NBN: variants seen among roughly 807,000 people sequenced by gnomAD.
NBN encodes nibrin.
Under a neutral mutation model 90.8 loss-of-function variants are expected in NBN, and 88 were observed. That is an observed-to-expected ratio of 0.97 (90% CI 0.82 to 1.16). NBN has a LOEUF of 1.16. Among genes scored for constraint, NBN ranks in the 50% most tolerant of loss-of-function variants. The pLI is 0.00. For synonymous variants in NBN, 328 were observed against 295.1 expected, an observed-to-expected ratio of 1.11 and a Z score of -1.14; for missense variants, 894 against 869.6, an observed-to-expected ratio of 1.03 and a Z score of -0.35.
intron 11 of NBN, among the ~76,000 whole-genome samples, chr8:89,949,756 C>T (rs571881059): frequency 6.6e-6 from 1 of 152,090 alleles, no homozygotes; most frequent in African/African-American, 2.4e-5. Context: ...GATTCCAACA[C>T]CAAAGAGAAG....
intron 5 of NBN, among the ~76,000 whole-genome samples, chr8:89,977,013 T>C (rs947932504): frequency 1.3e-5 from 2 of 152,254 alleles, no homozygotes; most frequent in Middle Eastern, 3.4e-3. Context: ...CAAAACACAT[T>C]AAAATTAGCA....
chr8:89,937,279 T>A, intron 14 of NBN: 1 of 570,348 alleles, frequency 1.8e-6, no homozygotes, highest in Middle Eastern at 4.6e-4. Flanking sequence ...GAGCTCTAAC[T>A]AAACAGCTTT....
intron 7 of NBN, among the ~76,000 whole-genome samples, chr8:89,967,970 T>C (rs1811329393): frequency 6.6e-6 from 1 of 152,122 alleles, no homozygotes; most frequent in African/African-American, 2.4e-5. Flanking sequence ...CCAAAAAACA[T>C]ATTGTGGCCA....
intron 4 of NBN, 123 bp from the exon 5 acceptor site, chr8:89,978,446 T>C (rs1466325339): frequency 6.7e-6 from 5 of 749,302 alleles, no homozygotes; most frequent in African/African-American, 3.6e-5. Flanking sequence ...TTCCCTTTCA[T>C]CTCTCTAAAT....
intron 12 of NBN, among the ~76,000 whole-genome samples, chr8:89,946,806 A>T (rs1810212732): frequency 6.6e-6 from 1 of 152,118 alleles, no homozygotes; most frequent in Non-Finnish European, 1.5e-5. Flanking sequence ...ATACTATCTC[A>T]TTAATTGACA....
chr8:89,973,801 G>A (rs1811622662), intron 5 of NBN, among the ~76,000 whole-genome samples: 1 of 152,164 alleles, frequency 6.6e-6, no homozygotes, highest in Non-Finnish European at 1.5e-5. Context: ...ACCTAGGCTA[G>A]AGGCATATTG....
chr8:89,978,234 A>C lies in NBN; in HGVS notation c.570T>G (p.Pro190=). 1 of 1,605,008 alleles carries C rather than the reference A, an allele frequency of 6.2e-7. No individual in the cohort carries two copies. The highest frequency in any genetic ancestry group is 8.5e-7 in the Non-Finnish European group (1 of 1,171,900). The change falls in exon 5 of 16, where the codon CCT becomes CCG. Residue 190 remains proline, a synonymous_variant. Coordinates refer to ENST00000265433, the MANE Select transcript of NBN (RefSeq NM_002485.5). ...ACATAATATACCTTTCAATTTGTGG[A>C]GGCTGCTTCTTGGACTCAACTGCTT... ...FLKAVESKKQ[P]PQIESFYPPL...
intron 14 of NBN, among the ~76,000 whole-genome samples, chr8:89,938,298 GTT>G (rs1809784584): frequency 6.6e-6 from 1 of 152,114 alleles, no homozygotes; most frequent in African/African-American, 2.4e-5. Flanking sequence ...GAATCATGTT[GTT>G]TTGTTGTAAT....
At chr8:89,936,882 A>T in intron 15 of NBN, 144 bp downstream of exon 15, 1 of 665,278 alleles carries the variant, frequency 1.5e-6, no homozygotes, top group Non-Finnish European at 2.6e-6. Context: ...AGAGGTGCTT[A>T]AGTAATAAAA....
chr8:89,965,929 C>T (rs1811232226), intron 7 of NBN, among the ~76,000 whole-genome samples: 1 of 152,070 alleles, frequency 6.6e-6, no homozygotes, highest in South Asian at 2.1e-4. Flanking sequence ...TCTAAAAAAC[C>T]TTTATAATCA....
Position 89,937,058 on chromosome 8 carries a change from T to C in NBN, c.2202A>G (p.Ala734=), listed in dbSNP as rs200452212. Residue 734 remains alanine, a synonymous_variant, in exon 15 of 16, where the codon GCA becomes GCG. Transcript: ENST00000265433. ...RQEMEVQNQH[A]KEESLADDLF... Reference sequence around the variant, plus strand: ...GATCATCAGCAAGAGACTCTTCTTTTGCATGTTGATTTTGTACCTGTCAAA... The same window carrying C: ...GATCATCAGCAAGAGACTCTTCTTTCGCATGTTGATTTTGTACCTGTCAAA... 1.5e-4 allele frequency: 234 copies of C among 1,612,632 alleles called. No homozygotes were observed. Among genetic ancestry groups the C allele is most frequent in the Non-Finnish European group, 1.8e-4 (214 of 1,179,338 alleles).
At chr8:89,939,002 C>T (rs1809813908) in intron 14 of NBN, among the ~76,000 whole-genome samples, 8 of 152,130 alleles carry the variant, frequency 5.3e-5, no homozygotes. Context: ...AGAAATGCCT[C>T]ATATTACTGG....
chr8:89,967,501 T>C (rs1438387482), intron 7 of NBN, among the ~76,000 whole-genome samples: 1 of 152,198 alleles, frequency 6.6e-6, no homozygotes, highest in African/African-American at 2.4e-5. Context: ...TAAATGTGTA[T>C]TACGCATAAA....
rs547157831 is a variant in NBN at position 89,964,382 on chromosome 8, C to T, written c.994+28G>A. ...TCGATTTACATAATAAAGTTGCTAA[C>T]GAATCAATAAAATAATGCTTCAATT... On this transcript the variant is annotated intron_variant, in intron 8 of 15. Coordinates refer to ENST00000265433, the MANE Select transcript of NBN (RefSeq NM_002485.5). 8.7e-6 allele frequency: 14 copies of T among 1,611,790 alleles called. No homozygotes were observed. In the East Asian group the frequency reaches 1.6e-4, roughly 18 times the overall value.
chr8:89,966,924 A>C (rs1289610799), intron 7 of NBN, among the ~76,000 whole-genome samples: 1 of 152,252 alleles, frequency 6.6e-6, no homozygotes, highest in African/African-American at 2.4e-5. Context: ...ACAAATGTCA[A>C]AAACAAAAGA....
At chr8:89,939,714 C>T (rs189668603) in intron 14 of NBN, among the ~76,000 whole-genome samples, 169 of 152,292 alleles carry the variant, frequency 1.1e-3, no homozygotes, top group Non-Finnish European at 2.1e-3. Context: ...AAAAGGTAAC[C>T]TGAACAGGGA....
intron 11 of NBN, 98 bp downstream of exon 11, chr8:89,953,140 TTAAAGA>T: frequency 1.2e-6 from 1 of 846,926 alleles, no homozygotes; most frequent in African/African-American, 1.7e-5. Context: ...GTACTGAGTG[TTAAAGA>T]CATTAATGGA....
chr8:89,951,355 G>C (rs1810441970), intron 11 of NBN, among the ~76,000 whole-genome samples: 1 of 144,554 alleles, frequency 6.9e-6, no homozygotes, highest in South Asian at 2.3e-4. Context: ...ACTAGGACAA[G>C]AAGACTAAAG....
intron 14 of NBN, among the ~76,000 whole-genome samples, chr8:89,942,452 A>G (rs1809994355): frequency 6.6e-6 from 1 of 152,198 alleles, no homozygotes; most frequent in African/African-American, 2.4e-5. Flanking sequence ...AGTTACAAAG[A>G]AAACAATCAG....
Sources: allele counts gnomAD v4.1 joint callset (sites outside exome capture counted in the v4.1 genomes callset), GRCh38; gene constraint gnomAD v4.1.1; transcripts MANE v1.5; gene names NCBI Gene and HGNC (gene_info 2026-07-23, HGNC 2026-07-21).